Variants in AUTS2 observed in about 807,000 individuals in gnomAD.
The protein encoded by AUTS2 is autism susceptibility gene 2 protein.
In AUTS2, 17 loss-of-function variants were observed where a neutral mutation model predicts 112.4. The observed-to-expected ratio is 0.15, with a 90% CI of 0.10 to 0.23. AUTS2 has a LOEUF of 0.23. Among genes scored for constraint, AUTS2 ranks in the 10% least tolerant of loss-of-function variants. AUTS2 has a pLI of 1.00. For synonymous variants in AUTS2, 751 were observed against 702.7 expected (o/e 1.07, Z -1.09); for missense variants, 1,510 against 1,701.6 (o/e 0.89, Z 1.98).
chr7:70,791,133 G>GACTC lies in AUTS2; in HGVS notation c.*139_*142dup, dbSNP rs1272138252. 2.1e-5 allele frequency: 17 copies of GACTC among 825,206 alleles called. No homozygotes were observed. In the East Asian group the frequency reaches 4.8e-4, roughly 23 times the overall value. 51.1% of individuals were successfully genotyped at this position (825,206 alleles called of 1,614,324 possible). A position where few individuals can be genotyped will look rare whatever the true frequency, so the allele number is the denominator to read the frequency against. ...CCCTTCCCCTTGTAAAAAATGTATA[G>GACTC]ACTCAGTGCACATTTTGAAATGTTT... On this transcript the variant is annotated 3_prime_UTR_variant, in exon 19 of 19. Transcript: ENST00000342771.
intron 2 of AUTS2, among the ~76,000 whole-genome samples, chr7:70,106,329 A>C (rs1162785219): frequency 6.6e-6 from 1 of 152,176 alleles, no homozygotes; most frequent in Non-Finnish European, 1.5e-5. Context: ...TAACTATAGC[A>C]TTAGTGCAGT....
At position 70,698,601 on chromosome 7, in the gene AUTS2, C is replaced by T. The variant is rs182043086; in HGVS notation, c.723C>T (p.Asn241=). ...ASDASSEKLF[N]TVIVNKDPEL... ...ATGCCAGCTCTGAAAAACTCTTCAA[C>T]ACTGTTATTGTAAACAAAGGTAAGA... is the stretch of plus-strand genomic sequence containing the variant. Residue 241 remains asparagine, a synonymous_variant, in exon 6 of 19, where the codon AAC becomes AAT. Transcript: ENST00000342771. 204 of 1,607,244 alleles carry T rather than the reference C, an allele frequency of 1.3e-4. No homozygotes were observed. The East Asian group carries it at 4.1e-3, about 32-fold the overall frequency.
intron 1 of AUTS2, among the ~76,000 whole-genome samples, chr7:69,685,082 G>A (rs1797002203): frequency 6.6e-6 from 1 of 152,166 alleles, no homozygotes; most frequent in Non-Finnish European, 1.5e-5. Context: ...GATATACTCA[G>A]TAGCCTGGCT....
chr7:70,484,226 A>G (rs1797898213), intron 5 of AUTS2, among the ~76,000 whole-genome samples: 1 of 152,216 alleles, frequency 6.6e-6, no homozygotes, highest in Non-Finnish European at 1.5e-5. Flanking sequence ...TCAAAAATCC[A>G]TATCGGAATT....
intron 3 of AUTS2, among the ~76,000 whole-genome samples, chr7:70,122,570 G>T (rs1340890517): frequency 2.0e-5 from 3 of 151,838 alleles, no homozygotes; most frequent in African/African-American, 7.3e-5. Context: ...ATAAAATCCT[G>T]TCAGTCTTAT....
At chr7:70,191,157 A>AT (rs1809859748) in intron 4 of AUTS2, among the ~76,000 whole-genome samples, 1 of 102,204 alleles carries the variant, frequency 9.8e-6, no homozygotes, top group African/African-American at 3.7e-5. Context: ...TCATCCACTT[A>AT]TTTCTTTTTT....
At chr7:69,779,049 TTAAA>T (rs1789027187) in intron 1 of AUTS2, among the ~76,000 whole-genome samples, 2 of 116,656 alleles carry the variant, frequency 1.7e-5, no homozygotes, top group African/African-American at 6.9e-5. Flanking sequence ...CTTTTTTTTT[TTAAA>T]AAAAAAAAAA....
At chr7:70,225,350 A>C (rs1165289434) in intron 4 of AUTS2, among the ~76,000 whole-genome samples, 1 of 152,202 alleles carries the variant, frequency 6.6e-6, no homozygotes, top group Non-Finnish European at 1.5e-5. Flanking sequence ...ATGACTTCAG[A>C]GCTATAAGGT....
chr7:69,868,974 A>G (rs538252963), intron 1 of AUTS2, among the ~76,000 whole-genome samples: 101 of 152,318 alleles, frequency 6.6e-4, no homozygotes, highest in Admixed American at 2.4e-3. Flanking sequence ...GTGCATACCT[A>G]TAATACACAT....
At chr7:70,093,408 G>T (rs557330966) in intron 2 of AUTS2, among the ~76,000 whole-genome samples, 2 of 152,144 alleles carry the variant, frequency 1.3e-5, no homozygotes, top group Non-Finnish European at 2.9e-5. Flanking sequence ...TAATACCCAT[G>T]GGCCTAGGCA....
At chr7:69,701,960 A>C (rs962602838) in intron 1 of AUTS2, among the ~76,000 whole-genome samples, 1 of 152,184 alleles carries the variant, frequency 6.6e-6, no homozygotes, top group African/African-American at 2.4e-5. Context: ...CAAAAGAGAA[A>C]CCTGGAATAG....
intron 2 of AUTS2, among the ~76,000 whole-genome samples, chr7:70,099,152 T>G (rs1455186359): frequency 6.6e-6 from 1 of 152,146 alleles, no homozygotes; most frequent in African/African-American, 2.4e-5. Context: ...AACCTCAACA[T>G]TTCTTGAAAA....
chr7:70,120,376 CTGTG>C (rs1169517125), intron 3 of AUTS2: 1 of 151,956 alleles, frequency 6.6e-6, no homozygotes, highest in East Asian at 1.9e-4. Context: ...CAGTATTTTA[CTGTG>C]TGTGTGTTTC....
intron 5 of AUTS2, among the ~76,000 whole-genome samples, chr7:70,563,369 C>T (rs548211688): frequency 2.0e-4 from 30 of 152,350 alleles, no homozygotes; most frequent in African/African-American, 7.0e-4. Context: ...TGCTATGAGA[C>T]ATCTTGGAGT....
At chr7:70,282,182 G>A (rs1471829547) in intron 4 of AUTS2, among the ~76,000 whole-genome samples, 1 of 152,042 alleles carries the variant, frequency 6.6e-6, no homozygotes, top group Non-Finnish European at 1.5e-5. Context: ...AAAGATGACT[G>A]TAAAATCGTA....
chr7:69,758,960 C>CA (rs931225368), intron 1 of AUTS2, among the ~76,000 whole-genome samples: 4 of 151,974 alleles, frequency 2.6e-5, no homozygotes, highest in African/African-American at 9.7e-5. Flanking sequence ...CTACATTAGA[C>CA]AAAAAATAAA....
chr7:69,644,625 A>C (rs897756847), intron 1 of AUTS2, among the ~76,000 whole-genome samples: 13 of 152,056 alleles, frequency 8.5e-5, no homozygotes, highest in African/African-American at 2.9e-4. Flanking sequence ...AACTTCCTTT[A>C]CTTCTGCAAT....
At chr7:70,229,120 CAAA>C (rs1447721207) in intron 4 of AUTS2, among the ~76,000 whole-genome samples, 1 of 151,874 alleles carries the variant, frequency 6.6e-6, no homozygotes, top group Non-Finnish European at 1.5e-5. Context: ...CAAGAAAAGA[CAAA>C]AATTATATAG....
At chr7:70,177,244 C>T (rs994123291) in intron 4 of AUTS2, among the ~76,000 whole-genome samples, 1 of 152,136 alleles carries the variant, frequency 6.6e-6, no homozygotes, top group Non-Finnish European at 1.5e-5. Context: ...CAAGTAATAA[C>T]TCACTTCTTC....
Sources: allele counts gnomAD v4.1 joint callset (sites outside exome capture counted in the v4.1 genomes callset), GRCh38; gene constraint gnomAD v4.1.1; transcripts MANE v1.5; gene names NCBI Gene and HGNC (gene_info 2026-07-23, HGNC 2026-07-21).